CCDC66: variants seen among roughly 807,000 people sequenced by gnomAD.
CCDC66 encodes the protein coiled-coil domain containing 66, also known as coiled-coil domain-containing protein 66.
CCDC66 carries 133 observed loss-of-function variants against 128.3 expected under a neutral mutation model. The ratio of observed to expected loss-of-function variants is 1.04; its 90% CI spans 0.90 to 1.20. The LOEUF (loss-of-function observed/expected upper bound fraction) is 1.20, where lower values mean the gene tolerates loss of function less well. Ranked by LOEUF, CCDC66 falls within the 50% of genes most tolerant of loss-of-function variation. CCDC66 has a pLI of 0.00. For synonymous variants in CCDC66, 387 were observed against 357.0 expected, an observed-to-expected ratio of 1.08 and a Z score of -0.95; for missense variants, 1,126 against 1,075.5, an observed-to-expected ratio of 1.05 and a Z score of -0.66.
chr3:56,568,024 G>A (rs183650999), intron 6 of CCDC66, among the ~76,000 whole-genome samples: 122 of 152,238 alleles, frequency 8.0e-4, no homozygotes, highest in African/African-American at 2.4e-3. Context: ...AGACCTCAAA[G>A]GTAGTAGCCT....
chr3:56,581,262 C>T (rs2068318570), intron 7 of CCDC66, among the ~76,000 whole-genome samples: 1 of 151,822 alleles, frequency 6.6e-6, no homozygotes, highest in Non-Finnish European at 1.5e-5. Context: ...TCCATCAGGT[C>T]ATTTAAGGAC....
chr3:56,568,281 C>G (rs992021628), intron 6 of CCDC66, among the ~76,000 whole-genome samples: 24 of 152,142 alleles, frequency 1.6e-4, no homozygotes, highest in Admixed American at 1.4e-3. Context: ...CACTGTAGTT[C>G]CCTTTAAAGT....
In CCDC66 at chr3:56,621,594, A is replaced by C; in HGVS notation, c.2823A>C (p.Glu941Asp). 1 of 1,599,100 alleles carries C rather than the reference A, an allele frequency of 6.3e-7. No individual in the cohort carries two copies. Among genetic ancestry groups the C allele is most frequent in the Non-Finnish European group, 8.5e-7 (1 of 1,173,180 alleles). ...SSLLPLAENQEESFGSSF is the reference protein window; with the variant it reads ...SSLLPLAENQDESFGSSF The stretch of plus-strand genomic sequence containing the variant: ...TCCTGCCTTTAGCTGAAAATCAAGA[A>C]GAGAGTTTTGGTTCTTCATTTTAAA... The change falls in exon 18 of 18, where the codon GAA becomes GAC. Residue 941 changes from glutamate (E) to aspartate (D), a missense_variant. By Grantham distance (45) the Glu-to-Asp change is conservative. Coordinates refer to ENST00000394672, the MANE Select transcript of CCDC66 (RefSeq NM_001141947.3).
intron 7 of CCDC66, among the ~76,000 whole-genome samples, chr3:56,584,158 G>GC (rs1185081180): frequency 1.4e-5 from 2 of 139,122 alleles, no homozygotes; most frequent in African/African-American, 2.8e-5. Context: ...GGCGGGGGCG[G>GC]CCCCCCACCT....
At chr3:56,596,854 A>G (rs2072049639) in intron 10 of CCDC66, among the ~76,000 whole-genome samples, 1 of 150,062 alleles carries the variant, frequency 6.7e-6, no homozygotes, top group Non-Finnish European at 1.5e-5. Flanking sequence ...TCCCAGGTTC[A>G]AGCAATTCTC....
At chr3:56,574,040 A>G (rs1396843546) in intron 7 of CCDC66, among the ~76,000 whole-genome samples, 2 of 151,778 alleles carry the variant, frequency 1.3e-5, no homozygotes, top group Non-Finnish European at 2.9e-5. Context: ...TTAAAAGAGT[A>G]TGATTATTGG....
intron 10 of CCDC66, among the ~76,000 whole-genome samples, chr3:56,601,920 G>C (rs1161307459): frequency 6.6e-6 from 1 of 152,082 alleles, no homozygotes; most frequent in Non-Finnish European, 1.5e-5. Context: ...TGCAAACAGA[G>C]ACAACTTAAC....
intron 3 of CCDC66, 140 bp downstream of exon 3, chr3:56,559,734 T>G (rs888755755): frequency 3.2e-6 from 2 of 616,458 alleles, no homozygotes; most frequent in Middle Eastern, 5.6e-4. Flanking sequence ...ATTTTCTTGC[T>G]TTCAGATTGG....
Position 56,593,576 on chromosome 3 carries a change from C to A in CCDC66, c.1154C>A (p.Thr385Lys). ...GSQSQLFSQS[T>K]HKQPEYFCVS... ...CAATCTCAGCTGTTCTCTCAGTCAA[C>A]ACACAAACAACCTGAGTACTTCTGT... The change falls in exon 9 of 18, where the codon ACA becomes AAA. Residue 385 changes from threonine (T) to lysine (K), a missense_variant. By Grantham distance (78) the Thr-to-Lys change is moderately conservative. Coordinates refer to ENST00000394672, the MANE Select transcript of CCDC66 (RefSeq NM_001141947.3). The A allele has an allele frequency of 6.2e-7, 1 of 1,614,190 alleles. No homozygotes were observed. The highest frequency in any genetic ancestry group is 1.1e-5 in the South Asian group (1 of 91,084).
In CCDC66 at chr3:56,617,375, T is replaced by A. The variant is rs1190638992; in HGVS notation, c.2107T>A (p.Trp703Arg). ...GAAGAAATATCCTAAAAGGCCTGATTGGAATATAAATAAGCCACCTAAAAG... is the reference window on the plus strand; with the variant it reads ...GAAGAAATATCCTAAAAGGCCTGATAGGAATATAAATAAGCCACCTAAAAG... ...HMKKYPKRPD[W>R]NINKPPKRYI... The change falls in exon 14 of 18, where the codon TGG (tryptophan) becomes AGG (arginine). Residue 703 changes from tryptophan to arginine, a missense_variant. Physicochemically the swap from Trp to Arg is moderately radical, Grantham distance 101 (BLOSUM62 -3). Coordinates refer to ENST00000394672, the MANE Select transcript of CCDC66 (RefSeq NM_001141947.3). 2 of 1,613,672 alleles carry A rather than the reference T, an allele frequency of 1.2e-6. No individual in the cohort carries two copies. The highest frequency in any genetic ancestry group is 1.3e-5 in the African/African-American group (1 of 74,842).
At position 56,571,322 on chromosome 3, in the gene CCDC66, AT is replaced by A; in HGVS notation, c.936+25del. 1 of 1,432,568 alleles carries A rather than the reference AT, an allele frequency of 7.0e-7. No homozygotes were observed. Among genetic ancestry groups the A allele is most frequent in the Non-Finnish European group, 9.6e-7 (1 of 1,044,016 alleles). 88.7% of individuals were successfully genotyped at this position (1,432,568 alleles called of 1,614,324 possible). ...TCTAGGGTAAGACATCTTAATTGCA[AT>A]TTTTAAAATACTAAGCAGTGTTCAT... On this transcript the variant is annotated intron_variant, in intron 7 of 17. Transcript: ENST00000394672.
At chr3:56,592,229 A>G (rs368411397) in intron 7 of CCDC66, among the ~76,000 whole-genome samples, 31 of 152,352 alleles carry the variant, frequency 2.0e-4, no homozygotes, top group Non-Finnish European at 3.2e-4. Context: ...GCTCTCACAC[A>G]TCTTTCTATA....
At chr3:56,618,286 G>A (rs191231695) in intron 15 of CCDC66, 74 bp downstream of exon 15, 3 of 1,280,726 alleles carry the variant, frequency 2.3e-6, no homozygotes, top group Non-Finnish European at 2.3e-6. Flanking sequence ...TTCAAGATCT[G>A]GACAGCATCA....
intron 3 of CCDC66, chr3:56,560,824 C>A (rs1432636898): frequency 4.5e-6 from 2 of 444,842 alleles, no homozygotes; most frequent in Non-Finnish European, 4.5e-6. Context: ...TTTCTCTTCT[C>A]TTCCATAACT....
rs1446208015 is a variant in CCDC66, at chr3:56,617,156, G to C, written c.1888G>C (p.Gly630Arg). 5 of 1,600,094 alleles carry C rather than the reference G, an allele frequency of 3.1e-6. No homozygotes were observed. The East Asian group carries it at 6.7e-5, about 22-fold the overall frequency. ...ATTCACCAATGCAGAATCACATTGTGGATCATTAATGGAGAGGGACATCAC... is the reference window on the plus strand; with the variant it reads ...ATTCACCAATGCAGAATCACATTGTCGATCATTAATGGAGAGGGACATCAC... ...GIFTNAESHC[G>R]SLMERDITNC... The change falls in exon 14 of 18, where the codon GGA becomes CGA. Residue 630 changes from glycine to arginine, a missense_variant. By Grantham distance (125) the Gly-to-Arg change is moderately radical. Transcript: ENST00000394672.
intron 6 of CCDC66, 65 bp from the exon 7 acceptor site, chr3:56,571,116 A>G: frequency 8.0e-7 from 1 of 1,253,448 alleles, no homozygotes; most frequent in Non-Finnish European, 1.1e-6. Context: ...AGAAGGTCAG[A>G]TTTGTTTACA....
intron 7 of CCDC66, among the ~76,000 whole-genome samples, chr3:56,578,904 T>C (rs2107984435): frequency 6.6e-6 from 1 of 151,986 alleles, no homozygotes; most frequent in East Asian, 2.0e-4. Context: ...GGCTTTGGTA[T>C]CAGGATGATG....
intron 6 of CCDC66, among the ~76,000 whole-genome samples, chr3:56,567,881 G>A (rs553023210): frequency 2.2e-4 from 33 of 151,974 alleles, no homozygotes; most frequent in South Asian, 1.7e-3. Flanking sequence ...TAGTAGAGAC[G>A]GGGTTTCACT....
chr3:56,617,881 A>AT, intron 14 of CCDC66: 1 of 568,532 alleles, frequency 1.8e-6, no homozygotes, highest in Non-Finnish European at 3.1e-6. Context: ...AGGTTTCCTT[A>AT]TGCTTATCGA....
Sources: gnomAD v4.1 joint callset for allele counts (sites outside exome capture counted in the v4.1 genomes callset) on GRCh38, gnomAD v4.1.1 for gene constraint, MANE v1.5 for transcripts, NCBI Gene and HGNC (gene_info 2026-07-23, HGNC 2026-07-21) for gene names.